CTTNBP2: variants seen among roughly 807,000 people sequenced by gnomAD.
The protein encoded by CTTNBP2 is cortactin binding protein 2, also known as cortactin-binding protein 2.
Under a neutral mutation model 156.9 loss-of-function variants are expected in CTTNBP2, and 108 were observed. That is an observed-to-expected ratio of 0.69 (90% CI 0.59 to 0.81). The LOEUF is 0.81. Among genes scored for constraint, CTTNBP2 ranks in the 30% least tolerant of loss-of-function variants. The pLI, the probability that CTTNBP2 is intolerant of heterozygous loss-of-function variation, is 0.00. For synonymous variants in CTTNBP2, 767 were observed against 751.8 expected, an observed-to-expected ratio of 1.02 and a Z score of -0.33; for missense variants, 1,924 against 2,035.4, an observed-to-expected ratio of 0.95 and a Z score of 1.05.
chr7:117,830,718 C>T (rs973590591), intron 2 of CTTNBP2, among the ~76,000 whole-genome samples: 3 of 152,302 alleles, frequency 2.0e-5, no homozygotes, highest in Non-Finnish European at 2.9e-5. Context: ...TTATTAGGAA[C>T]GCCTCCCTCT....
intron 3 of CTTNBP2, among the ~76,000 whole-genome samples, chr7:117,806,575 A>AT (rs1300330351): frequency 1.3e-5 from 2 of 151,870 alleles, no homozygotes; most frequent in East Asian, 1.9e-4. Flanking sequence ...AGATCTTTTC[A>AT]TTTTTTTCCT....
chr7:117,823,804 G>A (rs750896049), intron 2 of CTTNBP2, among the ~76,000 whole-genome samples: 2 of 152,044 alleles, frequency 1.3e-5, no homozygotes, highest in Non-Finnish European at 2.9e-5. Context: ...GATCCTCCCT[G>A]CTCAGTCTCC....
chr7:117,732,607 G>A (rs375299458), intron 16 of CTTNBP2, among the ~76,000 whole-genome samples: 55 of 135,616 alleles, frequency 4.1e-4, no homozygotes, highest in Admixed American at 1.7e-4. Flanking sequence ...CCGAGATCAC[G>A]CCACTGCACT....
At chr7:117,819,762 C>T (rs1800844425) in intron 2 of CTTNBP2, among the ~76,000 whole-genome samples, 1 of 152,162 alleles carries the variant, frequency 6.6e-6, no homozygotes, top group African/African-American at 2.4e-5. Flanking sequence ...ATCCCCCAAC[C>T]TATCTGCCAC....
chr7:117,780,545 C>T lies in CTTNBP2; in HGVS notation c.2419G>A (p.Ala807Thr). 1 of 1,594,010 alleles carries T rather than the reference C, an allele frequency of 6.3e-7. No homozygotes were observed. The highest frequency in any genetic ancestry group is 8.6e-7 in the Non-Finnish European group (1 of 1,168,226). The change falls in exon 7 of 23, where the codon GCT becomes ACT. Residue 807 changes from alanine to threonine, a missense_variant. Physicochemically the swap from Ala to Thr is moderately conservative, Grantham distance 58. Coordinates refer to ENST00000160373, the MANE Select transcript of CTTNBP2 (RefSeq NM_033427.3). The stretch of plus-strand genomic sequence containing the variant: ...TATAGAGGTGTCTGTCCTCCATCAG[C>T]AGCATGATTAATGTTAGCATCATAT... Reference protein sequence around the residue: ...ISYDANINHAADGGQTPLYLA... With the variant: ...ISYDANINHATDGGQTPLYLA...
intron 22 of CTTNBP2, among the ~76,000 whole-genome samples, chr7:117,713,340 C>T (rs962165758): frequency 6.6e-6 from 1 of 152,214 alleles, no homozygotes; most frequent in Non-Finnish European, 1.5e-5. Flanking sequence ...TTATCTCCTG[C>T]ATTTCCACCC....
intron 19 of CTTNBP2, among the ~76,000 whole-genome samples, chr7:117,723,729 T>C (rs1193133248): frequency 6.6e-6 from 1 of 151,142 alleles, no homozygotes; most frequent in Non-Finnish European, 1.5e-5. Context: ...TTTATTAGAA[T>C]ATAAACTCGA....
chr7:117,719,609 C>A lies in CTTNBP2; in HGVS notation c.4539G>T (p.Thr1513=). Residue 1513 remains threonine (T), a synonymous_variant, in exon 21 of 23, where the codon ACG becomes ACT. Coordinates refer to ENST00000160373, the MANE Select transcript of CTTNBP2 (RefSeq NM_033427.3). ...GAGAGAGTCTCTGATCCAAATTCAA[C>A]GTCAGTGATAGATCATTCTCTAAAG... The part of the protein sequence containing the change: ...QKSLENDLSL[T]LNLDQRLSLG... 6.2e-7 allele frequency: 1 copy of A among 1,613,690 alleles called. No homozygotes were observed. The highest frequency in any genetic ancestry group is 1.6e-4 in the Middle Eastern group (1 of 6,062).
intron 20 of CTTNBP2, among the ~76,000 whole-genome samples, chr7:117,720,419 G>C (rs1034633086): frequency 6.6e-6 from 1 of 152,076 alleles, no homozygotes. Flanking sequence ...TAAATTTATA[G>C]CACTTAAAAA....
At chr7:117,729,265 T>C (rs1795273414) in intron 16 of CTTNBP2, among the ~76,000 whole-genome samples, 1 of 152,232 alleles carries the variant, frequency 6.6e-6, no homozygotes, top group South Asian at 2.1e-4. Context: ...TGTCCACCTC[T>C]CTCCAAAGTG....
At chr7:117,774,169 T>C (rs943917181) in intron 8 of CTTNBP2, among the ~76,000 whole-genome samples, 1 of 152,102 alleles carries the variant, frequency 6.6e-6, no homozygotes, top group African/African-American at 2.4e-5. Flanking sequence ...AGGCCAGCTG[T>C]AGAGAGAGGT....
At chr7:117,822,517 A>C (rs1455477997) in intron 2 of CTTNBP2, among the ~76,000 whole-genome samples, 1 of 151,962 alleles carries the variant, frequency 6.6e-6, no homozygotes, top group African/African-American at 2.4e-5. Context: ...AGAGCTCTAA[A>C]TTTTCCTCTA....
intron 2 of CTTNBP2, among the ~76,000 whole-genome samples, chr7:117,850,572 T>C (rs1212051012): frequency 1.3e-5 from 2 of 151,708 alleles, no homozygotes; most frequent in African/African-American, 4.8e-5. Context: ...TTTGAGGGAG[T>C]TGCACAAAAT....
intron 1 of CTTNBP2, chr7:117,871,844 T>TCACACACCCACACACA (rs1804621428): frequency 3.4e-6 from 1 of 298,196 alleles, no homozygotes; most frequent in Non-Finnish European, 4.4e-6. Context: ...TCCTTCCCCT[T>TCACACACCCACACACA]CACACACACA....
chr7:117,840,816 G>A (rs1802225532), intron 2 of CTTNBP2, among the ~76,000 whole-genome samples: 1 of 152,154 alleles, frequency 6.6e-6, no homozygotes, highest in Non-Finnish European at 1.5e-5. Context: ...ATGAGGGACT[G>A]AAATAGCCCA....
At position 117,746,070 on chromosome 7, in the gene CTTNBP2, G is replaced by A. The variant is rs574986416; in HGVS notation, c.3378C>T (p.His1126=). The A allele has an allele frequency of 1.7e-5, 27 of 1,613,866 alleles. No homozygotes were observed. The highest frequency in any genetic ancestry group is 5.0e-5 in the Admixed American group (3 of 60,020). Residue 1126 remains histidine (H), a synonymous_variant, in exon 13 of 23, where the codon CAC becomes CAT. Transcript: ENST00000160373. ...AGTCTTGCAAGCTTCCTTCTGGGCC[G>A]TGGAAAATGACATTATGATATTGCT... The part of the protein sequence containing the change: ...LVEQYHNVIF[H]GPEGSLQDYI...
intron 3 of CTTNBP2, among the ~76,000 whole-genome samples, chr7:117,805,211 G>A (rs1200995763): frequency 6.6e-6 from 1 of 152,142 alleles, no homozygotes; most frequent in Non-Finnish European, 1.5e-5. Flanking sequence ...GGGAATACAT[G>A]TGTTAAAATC....
chr7:117,740,660 C>T lies in CTTNBP2; in HGVS notation c.3535+5171G>A, dbSNP rs528677135. ...ATTCTAAACGTTTGAGTGGAATAGC[C>T]TAGAAAACCCCTTTCCTCCATCCAG... On this transcript the variant is annotated intron_variant, in intron 14 of 22. Coordinates refer to ENST00000160373, the MANE Select transcript of CTTNBP2 (RefSeq NM_033427.3). 5.9e-5 allele frequency among the ~76,000 whole-genome samples: 9 copies of T among 152,244 alleles called. 1 individual carries two copies. Among genetic ancestry groups the T allele is most frequent in the African/African-American group, 1.7e-4 (7 of 41,546 alleles).
intron 2 of CTTNBP2, among the ~76,000 whole-genome samples, chr7:117,817,357 A>T (rs1263964362): frequency 0.032 from 1,038 of 32,590 alleles, 123 homozygotes; most frequent in African/African-American, 0.075. Flanking sequence ...AAAAAAAAAA[A>T]AAAAATATAT....
Sources: gnomAD v4.1 joint callset for allele counts (sites outside exome capture counted in the v4.1 genomes callset) on GRCh38, gnomAD v4.1.1 for gene constraint, MANE v1.5 for transcripts, NCBI Gene and HGNC (gene_info 2026-07-23, HGNC 2026-07-21) for gene names.